The following UMOD variants were observed in gnomAD, a reference collection of about 807,000 sequenced individuals.
The protein encoded by UMOD is uromodulin, also known as Tamm-Horsfall urinary glycoprotein.
A neutral mutation model predicts 66.0 loss-of-function variants in UMOD; 64 were observed. The ratio of observed to expected loss-of-function variants is 0.97; its 90% confidence interval spans 0.79 to 1.19. The LOEUF (loss-of-function observed/expected upper bound fraction) is 1.19. Ranked by LOEUF, UMOD falls within the 50% of genes most tolerant of loss-of-function variation. The pLI is 0.00. For synonymous variants in UMOD, 398 were observed against 352.7 expected (o/e 1.13, Z -1.44); for missense variants, 764 against 850.9 (o/e 0.90, Z 1.27).
intron 6 of UMOD, chr16:20,342,493 T>C (rs60136849): frequency 0.16 from 24,979 of 152,252 alleles, 2,182 homozygotes; most frequent in Middle Eastern, 0.2. Context: ...CAATGAGCAC[T>C]CTTCTTCCTC....
chr16:20,333,157 C>A lies in UMOD; in HGVS notation c.*157G>T. 1 of 769,754 alleles carries A rather than the reference C, an allele frequency of 1.3e-6. No individual in the cohort carries two copies. The allele number at this position is 769,754 out of a possible 1,614,324, so 47.7% of individuals were successfully genotyped here. On this transcript the variant is annotated 3_prime_UTR_variant, in exon 11 of 11. Coordinates refer to ENST00000396138, the MANE Select transcript of UMOD (RefSeq NM_003361.4). ...AAAAAGCAGCATTTAAAGACACAGG[C>A]TGTTTCTCGACAGCCAGGATTAAAA...
intron 8 of UMOD, among the ~76,000 whole-genome samples, chr16:20,337,085 G>A (rs922019304): frequency 6.6e-6 from 1 of 152,188 alleles, no homozygotes; most frequent in East Asian, 1.9e-4. Flanking sequence ...ATAAGCCAGA[G>A]CTCTTACCAG....
intron 4 of UMOD, among the ~76,000 whole-genome samples, chr16:20,346,613 T>C (rs1445146443): frequency 6.6e-6 from 1 of 152,078 alleles, no homozygotes; most frequent in Non-Finnish European, 1.5e-5. Context: ...GTCCCAGCAT[T>C]AAATAACAAT....
At chr16:20,334,032 CAAAAAAAAAAA>C (rs575596167) in intron 10 of UMOD, among the ~76,000 whole-genome samples, 1 of 57,114 alleles carries the variant, frequency 1.8e-5, no homozygotes, top group Non-Finnish European at 3.3e-5. Context: ...GATTCCATCT[CAAAAAAAAAAA>C]AAAAAAAAAA....
chr16:20,345,082 C>T (rs921405661), intron 5 of UMOD, among the ~76,000 whole-genome samples: 20 of 152,146 alleles, frequency 1.3e-4, no homozygotes, highest in Admixed American at 2.0e-4. Flanking sequence ...GGTGCAATCT[C>T]GGCTCACTGC....
At chr16:20,349,569 G>A (rs936745750) in intron 2 of UMOD, 4 of 1,166,934 alleles carry the variant, frequency 3.4e-6, no homozygotes, top group Admixed American at 3.0e-5. Flanking sequence ...CCCTGCCTCA[G>A]CTTCCCAAAA....
At position 20,341,117 on chromosome 16, in the gene UMOD, G is replaced by A. The variant is rs776627564; in HGVS notation, c.1551C>T (p.Pro517=). Residue 517 remains proline, a synonymous_variant, in exon 7 of 11, where the codon CCC becomes CCT. Transcript: ENST00000396138. The part of the protein sequence containing the change: ...YATPSSNATD[P]LKYFIIQDRC... ...TGTCCTGGATGATGAAGTACTTCAG[G>A]GGGTCCGTGGCATTGCTACTGGGTG... is the stretch of plus-strand genomic sequence containing the variant. 6 of 1,614,120 alleles carry A rather than the reference G, an allele frequency of 3.7e-6. No homozygotes were observed. The South Asian group carries it at 6.6e-5, about 18-fold the overall frequency.
In UMOD at chr16:20,346,271, T is replaced by C; in HGVS notation, c.1037A>G (p.Lys346Arg). 6.2e-7 allele frequency: 1 copy of C among 1,614,264 alleles called. No individual in the cohort carries two copies. Among genetic ancestry groups the C allele is most frequent in the Non-Finnish European group, 8.5e-7 (1 of 1,180,054 alleles). ...GANDMKVSLG[K>R]CQLKSLGFDK... ...GAAGCCCAGACTCTTCAGCTGGCAC[T>C]TGCCCAGCGACACCTTCATGTCATT... The change falls in exon 5 of 11, where the codon AAG becomes AGG. Residue 346 changes from lysine (K) to arginine (R), a missense_variant. By Grantham distance (26) the Lys-to-Arg change is conservative. Transcript: ENST00000396138.
At chr16:20,349,900 A>AG in intron 2 of UMOD, 4 of 1,519,108 alleles carry the variant, frequency 2.6e-6, no homozygotes, top group Middle Eastern at 1.7e-4. Context: ...TTAAAAAAAA[A>AG]AAGAAGCTGT....
intron 5 of UMOD, among the ~76,000 whole-genome samples, chr16:20,344,401 G>C (rs148024719): frequency 6.6e-6 from 1 of 152,002 alleles, no homozygotes; most frequent in Admixed American, 6.6e-5. Flanking sequence ...TCAGGAGTTC[G>C]AGACCAGCCT....
At chr16:20,334,900 T>C (rs528680473) in intron 10 of UMOD, among the ~76,000 whole-genome samples, 191 of 151,596 alleles carry the variant, frequency 1.3e-3, no homozygotes, top group Non-Finnish European at 1.9e-3. Context: ...GGCGTGATCT[T>C]GGCTCACTGC....
intron 9 of UMOD, among the ~76,000 whole-genome samples, chr16:20,336,405 G>A (rs971345255): frequency 6.6e-6 from 1 of 152,196 alleles, no homozygotes; most frequent in African/African-American, 2.4e-5. Context: ...CTACCTGCCT[G>A]TCTGGCCTCC....
chr16:20,334,730 G>C (rs971402335), intron 10 of UMOD, among the ~76,000 whole-genome samples: 1 of 151,584 alleles, frequency 6.6e-6, no homozygotes, highest in Non-Finnish European at 1.5e-5. Context: ...CAGGGAGTTA[G>C]AGGAGCAAAG....
Position 20,349,121 on chromosome 16 carries a change from G to A in UMOD, c.180C>T (p.Gly60=). 1.2e-6 allele frequency: 2 copies of A among 1,614,014 alleles called. No homozygotes were observed. The highest frequency in any genetic ancestry group is 8.5e-7 in the Non-Finnish European group (1 of 1,179,974). The change falls in exon 3 of 11, where the codon GGC becomes GGT. Residue 60 remains glycine, a synonymous_variant. Coordinates refer to ENST00000396138, the MANE Select transcript of UMOD (RefSeq NM_003361.4). ...ACTCATCCAGGTCCACGCAGGTCAGGCCATCGCCGGTGAAGCCCTCCTGAC... is the reference window on the plus strand; with the variant it reads ...ACTCATCCAGGTCCACGCAGGTCAGACCATCGCCGGTGAAGCCCTCCTGAC... The part of the protein sequence containing the change: ...CTCQEGFTGD[G]LTCVDLDECA...
chr16:20,337,216 A>G (rs1177473617), intron 8 of UMOD, 75 bp downstream of exon 8: 17 of 1,572,852 alleles, frequency 1.1e-5, no homozygotes, highest in Non-Finnish European at 1.4e-5. Context: ...ACAGGGAAGA[A>G]ATATTGATTT....
At chr16:20,342,858 G>A (rs896331813) in intron 6 of UMOD, among the ~76,000 whole-genome samples, 4 of 152,122 alleles carry the variant, frequency 2.6e-5, no homozygotes, top group Non-Finnish European at 2.9e-5. Flanking sequence ...GGCAGGGCAC[G>A]GTGGCTCACA....
intron 6 of UMOD, among the ~76,000 whole-genome samples, chr16:20,343,151 A>ATAAATAAATAAATAAATAAT (rs34049357): frequency 0.018 from 2,689 of 151,418 alleles, 37 homozygotes; most frequent in Middle Eastern, 0.048. Flanking sequence ...AAATAAATAA[A>ATAAATAAATAAATAAATAAT]TAAATAATCA....
In UMOD at chr16:20,340,288, CTTGAGCCTGGGTGG is replaced by C. The variant is rs1279172562; in HGVS notation, c.1577+789_1577+802del. On this transcript the variant is annotated intron_variant, in intron 7 of 10. Coordinates refer to ENST00000396138, the MANE Select transcript of UMOD (RefSeq NM_003361.4). ...TCATGAGGCTAAAGCTGGAGGATCG[CTTGAGCCTGGGTGG>C]TTGAGGCTGCCGTGAGCTATGATCA... 4.6e-5 allele frequency among the ~76,000 whole-genome samples: 7 copies of C among 151,948 alleles called. No homozygotes were observed. In the East Asian group the frequency reaches 1.3e-3, roughly 29 times the overall value.
At chr16:20,344,199 G>T (rs780275568) in intron 5 of UMOD, 27 bp from the exon 6 acceptor site, 8 of 1,485,390 alleles carry the variant, frequency 5.4e-6, no homozygotes, top group Admixed American at 5.1e-5. Flanking sequence ...GGGTGGAGGG[G>T]GGGTGGGGAT....
Sources: allele counts gnomAD v4.1 joint callset (sites outside exome capture counted in the v4.1 genomes callset), GRCh38; gene constraint gnomAD v4.1.1; transcripts MANE v1.5; gene names NCBI Gene and HGNC (gene_info 2026-07-23, HGNC 2026-07-21).